ANK3: variants seen among roughly 807,000 people sequenced by gnomAD.
ANK3 encodes ankyrin-3.
Under a neutral mutation model 370.9 loss-of-function variants are expected in ANK3, and 57 were observed. The observed-to-expected ratio is 0.15, with a 90% CI of 0.12 to 0.19. The LOEUF is 0.19. Among genes scored for constraint, ANK3 ranks in the 10% least tolerant of loss-of-function variants. The probability of loss-of-function intolerance (pLI) is 1.00; values close to 1 mark genes in which losing one functional copy is unlikely to be tolerated. For synonymous variants in ANK3, 1,929 were observed against 1,946.3 expected, an observed-to-expected ratio of 0.99 and a Z score of 0.23; for missense variants, 4,439 against 5,302.1, an observed-to-expected ratio of 0.84 and a Z score of 5.06.
At chr10:60,234,221 CA>C (rs2097294607) in intron 8 of ANK3, among the ~76,000 whole-genome samples, 1 of 152,162 alleles carries the variant, frequency 6.6e-6, no homozygotes, top group Non-Finnish European at 1.5e-5. Context: ...ATCCTGCTTT[CA>C]ATTATTTTGG....
rs189910986 is a variant in ANK3, at chr10:60,331,158, C to G, written c.115-51519G>C. 5.1e-3 allele frequency among the ~76,000 whole-genome samples: 779 copies of G among 152,116 alleles called. 5 individuals are homozygous for G. The highest frequency in any genetic ancestry group is 7.9e-3 in the Non-Finnish European group (537 of 68,008). On this transcript the variant is annotated intron_variant, in intron 1 of 43. Transcript: ENST00000280772. ...GGAGGGGGAGCATTAGGAGAAATACCTAATGTAGATGATGGGTTGATGGGT... is the reference window on the plus strand; with the variant it reads ...GGAGGGGGAGCATTAGGAGAAATACGTAATGTAGATGATGGGTTGATGGGT...
chr10:60,474,322 C>T (rs946775963), intron 2 of ANK3, among the ~76,000 whole-genome samples: 8 of 152,044 alleles, frequency 5.3e-5, no homozygotes, highest in East Asian at 1.9e-4. Flanking sequence ...AGTGCTTCCA[C>T]GCACAGGCAA....
At chr10:60,289,920 C>T (rs368998466) in intron 1 of ANK3, among the ~76,000 whole-genome samples, 2 of 152,152 alleles carry the variant, frequency 1.3e-5, no homozygotes, top group Admixed American at 6.5e-5. Context: ...TTAAGGCTTT[C>T]GTGTGGGACA....
At chr10:60,398,056 C>G (rs540495719) in intron 2 of ANK3, among the ~76,000 whole-genome samples, 20 of 152,254 alleles carry the variant, frequency 1.3e-4, no homozygotes, top group African/African-American at 4.8e-4. Context: ...ATATTTCAGG[C>G]TCCAAAGGCC....
chr10:60,051,172 G>T (rs1040594114), intron 42 of ANK3, among the ~76,000 whole-genome samples: 40 of 152,118 alleles, frequency 2.6e-4, no homozygotes, highest in African/African-American at 9.7e-4. Flanking sequence ...CACCAAGACA[G>T]AATCTTTGCT....
intron 2 of ANK3, among the ~76,000 whole-genome samples, chr10:60,456,549 T>A (rs1203328537): frequency 6.6e-6 from 1 of 152,152 alleles, no homozygotes; most frequent in Non-Finnish European, 1.5e-5. Flanking sequence ...GACGCTATAA[T>A]AACGAATGAG....
intron 2 of ANK3, chr10:60,572,879 G>C (rs1286852613): frequency 1.9e-6 from 2 of 1,035,734 alleles, no homozygotes; most frequent in African/African-American, 3.4e-5. Flanking sequence ...ATTTGAGCCT[G>C]GAAATGGTGA....
chr10:60,334,324 G>A (rs1258362824), intron 1 of ANK3, among the ~76,000 whole-genome samples: 1 of 152,054 alleles, frequency 6.6e-6, no homozygotes, highest in African/African-American at 2.4e-5. Context: ...CCTGATAAAA[G>A]TGATCTATAT....
intron 1 of ANK3, among the ~76,000 whole-genome samples, chr10:60,316,811 G>A (rs996638169): frequency 2.6e-5 from 4 of 151,906 alleles, no homozygotes; most frequent in Admixed American, 6.6e-5. Context: ...GCAGTGGCAC[G>A]ATCTCGGCTC....
At chr10:60,483,133 T>G (rs2075267052) in intron 2 of ANK3, among the ~76,000 whole-genome samples, 1 of 152,174 alleles carries the variant, frequency 6.6e-6, no homozygotes, top group Non-Finnish European at 1.5e-5. Flanking sequence ...AATGAAGTTA[T>G]GTATCTTGTT....
chr10:60,222,937 T>C (rs1468667975), intron 8 of ANK3, among the ~76,000 whole-genome samples: 1 of 152,194 alleles, frequency 6.6e-6, no homozygotes, highest in African/African-American at 2.4e-5. Context: ...TATACCTCTT[T>C]TGGGGGACCT....
intron 1 of ANK3, among the ~76,000 whole-genome samples, chr10:60,354,834 G>T (rs906754292): frequency 6.6e-6 from 1 of 152,030 alleles, no homozygotes; most frequent in Non-Finnish European, 1.5e-5. Flanking sequence ...TTTATCTTAT[G>T]CTTATGAATT....
intron 3 of ANK3, 21 bp downstream of exon 3, chr10:60,279,029 C>T (rs371036655): frequency 2.5e-6 from 4 of 1,611,390 alleles, no homozygotes; most frequent in Non-Finnish European, 2.5e-6. Context: ...GTTCAAAAAG[C>T]ATTAAATATG....
rs1201078110 is a variant in ANK3, at chr10:60,027,172, G to C, written c.*2674C>G. 1 of 151,776 alleles carries C rather than the reference G, an allele frequency of 6.6e-6. No homozygotes were observed. The highest frequency in any genetic ancestry group is 1.5e-5 in the Non-Finnish European group (1 of 67,986). 9.4% of individuals were successfully genotyped at this position (151,776 alleles called of 1,614,324 possible). Reference sequence around the variant, plus strand: ...AACAGGTATACATCATTGAGTTTCTGGTTCAGGATAAACACCTTCTCTCAA... The same window carrying C: ...AACAGGTATACATCATTGAGTTTCTCGTTCAGGATAAACACCTTCTCTCAA... On this transcript the variant is annotated 3_prime_UTR_variant, in exon 44 of 44. Transcript: ENST00000280772.
rs74922600 is a variant in ANK3, at chr10:60,222,899, C to G, written c.898-9389G>C. Among the ~76,000 whole-genome samples, 1,308 of 152,256 alleles carry G rather than the reference C, an allele frequency of 8.6e-3. 11 individuals carry two copies. The highest frequency in any genetic ancestry group is 0.015 in the Non-Finnish European group (1,008 of 68,022). On this transcript the variant is annotated intron_variant, in intron 8 of 43. Transcript: ENST00000280772. ...TTTTCACAAATTAAATGGAATCTTT[C>G]TACCTTCCAGACTCCTGTCTTATTT...
intron 1 of ANK3, among the ~76,000 whole-genome samples, chr10:60,660,911 TACACACTCAC>T (rs1019834771): frequency 6.7e-6 from 1 of 148,152 alleles, no homozygotes; most frequent in African/African-American, 2.5e-5. Flanking sequence ...GAGTTTTAAA[TACACACTCAC>T]ACACACACAC....
At chr10:60,202,361 G>T (rs2096695318) in intron 12 of ANK3, among the ~76,000 whole-genome samples, 1 of 151,872 alleles carries the variant, frequency 6.6e-6, no homozygotes, top group African/African-American at 2.4e-5. Flanking sequence ...AACCTCATGT[G>T]ACCGGCCTGC....
chr10:60,594,053 C>A (rs2133296394), intron 2 of ANK3, among the ~76,000 whole-genome samples: 1 of 152,270 alleles, frequency 6.6e-6, no homozygotes, highest in Admixed American at 6.5e-5. Flanking sequence ...GACCGATATT[C>A]ATAGAAGAGA....
At chr10:60,638,390 A>C (rs2078584146) in intron 1 of ANK3, among the ~76,000 whole-genome samples, 2 of 152,320 alleles carry the variant, frequency 1.3e-5, no homozygotes, top group African/African-American at 4.8e-5. Context: ...CAGCTCCAAA[A>C]GATTAAACTG....
Sources: gnomAD v4.1 joint callset for allele counts (sites outside exome capture counted in the v4.1 genomes callset) on GRCh38, gnomAD v4.1.1 for gene constraint, MANE v1.5 for transcripts, NCBI Gene and HGNC (gene_info 2026-07-23, HGNC 2026-07-21) for gene names.